ARB2A: variants seen among roughly 807,000 people sequenced by gnomAD.
ARB2A encodes the protein cotranscriptional regulator ARB2A.
chr5:94,006,667 C>A, the ARB2A span, among the ~76,000 whole-genome samples: 2 of 152,144 alleles, frequency 1.3e-5, no homozygotes, highest in African/African-American at 4.8e-5. Context: ...CATATTTTTT[C>A]TTATAGTGGA....
the ARB2A span, among the ~76,000 whole-genome samples, chr5:93,771,585 T>C: frequency 1.3e-5 from 2 of 152,060 alleles, no homozygotes; most frequent in Admixed American, 6.6e-5. Flanking sequence ...CCAGAATCTA[T>C]AATGAACTCA....
the ARB2A span, among the ~76,000 whole-genome samples, chr5:93,663,603 T>C: frequency 1.7e-3 from 256 of 151,736 alleles, 1 homozygote; most frequent in Non-Finnish European, 2.9e-3. Context: ...AGGGAAAGAG[T>C]TGTCTAAGGG....
chr5:93,888,160 T>C, the ARB2A span, among the ~76,000 whole-genome samples: 1 of 151,916 alleles, frequency 6.6e-6, no homozygotes, highest in Non-Finnish European at 1.5e-5. Flanking sequence ...CAAATTTCTC[T>C]GCTATTCACA....
the ARB2A span, among the ~76,000 whole-genome samples, chr5:93,745,026 A>G: frequency 1.2e-3 from 182 of 152,342 alleles, no homozygotes; most frequent in African/African-American, 4.1e-3. Context: ...TGGAATCAAG[A>G]GTGGTTTTCT....
At chr5:93,852,972 GT>G in the ARB2A span, among the ~76,000 whole-genome samples, 16 of 152,216 alleles carry the variant, frequency 1.1e-4, no homozygotes, top group Middle Eastern at 3.4e-3. Context: ...CTTTAAAGTA[GT>G]TTTTTTCCAA....
the ARB2A span, among the ~76,000 whole-genome samples, chr5:93,911,628 C>CCACA: frequency 0.014 from 2,009 of 148,722 alleles, 39 homozygotes; most frequent in African/African-American, 0.04. Context: ...GCATTAGTCA[C>CCACA]CACACACACA....
chr5:94,027,269 T>C, the ARB2A span, among the ~76,000 whole-genome samples: 11 of 152,162 alleles, frequency 7.2e-5, no homozygotes, highest in Non-Finnish European at 1.5e-4. Flanking sequence ...TCCTCAGAAA[T>C]TCCTACCTGA....
At chr5:93,647,319 C>T in the ARB2A span, among the ~76,000 whole-genome samples, 7 of 152,044 alleles carry the variant, frequency 4.6e-5, no homozygotes, top group Non-Finnish European at 5.9e-5. Flanking sequence ...CTCTGCCTCC[C>T]GGGTTCAAGC....
the ARB2A span, among the ~76,000 whole-genome samples, chr5:94,097,067 G>A: frequency 1.3e-5 from 2 of 152,188 alleles, no homozygotes; most frequent in African/African-American, 4.8e-5. Context: ...AGGCTCTGGT[G>A]CGGAAACGGC....
chr5:93,753,896 T>A, the ARB2A span, among the ~76,000 whole-genome samples: 1 of 152,100 alleles, frequency 6.6e-6, no homozygotes, highest in Non-Finnish European at 1.5e-5. Context: ...AAAATGACAC[T>A]TTAAGGTAGA....
At chr5:93,738,753 T>A in the ARB2A span, 1 of 152,222 alleles carries the variant, frequency 6.6e-6, no homozygotes, top group Non-Finnish European at 1.5e-5. Context: ...TGCTTAGAAC[T>A]GGCAAATTCA....
chr5:93,796,118 C>G, the ARB2A span, among the ~76,000 whole-genome samples: 1 of 152,166 alleles, frequency 6.6e-6, no homozygotes, highest in Non-Finnish European at 1.5e-5. Flanking sequence ...AGAGGTTTCA[C>G]TGTAAAAGTA....
chr5:93,740,911 T>A, the ARB2A span: 2 of 1,613,974 alleles, frequency 1.2e-6, no homozygotes, highest in Non-Finnish European at 1.7e-6. Context: ...GATTCGTCGC[T>A]CTCTGCTTGC....
At chr5:93,715,210 C>T in the ARB2A span, among the ~76,000 whole-genome samples, 4 of 152,026 alleles carry the variant, frequency 2.6e-5, no homozygotes, top group East Asian at 1.9e-4. Context: ...AAAGTACAAA[C>T]GTGAGGACAG....
chr5:93,872,502 G>C, the ARB2A span, among the ~76,000 whole-genome samples: 1 of 152,166 alleles, frequency 6.6e-6, no homozygotes, highest in African/African-American at 2.4e-5. Context: ...CATAAATGCA[G>C]AGCTTCGGTC....
chr5:93,645,310 A>C, the ARB2A span, among the ~76,000 whole-genome samples: 4 of 152,194 alleles, frequency 2.6e-5, no homozygotes, highest in African/African-American at 9.6e-5. Context: ...ACGGTGGCTC[A>C]TGCCTGTAAT....
the ARB2A span, among the ~76,000 whole-genome samples, chr5:94,101,851 T>G: frequency 2.6e-5 from 4 of 151,956 alleles, no homozygotes; most frequent in Admixed American, 2.6e-4. Context: ...GTACTGAGCT[T>G]GATACCTGGG....
At chr5:93,931,420 C>T in the ARB2A span, among the ~76,000 whole-genome samples, 32 of 152,074 alleles carry the variant, frequency 2.1e-4, no homozygotes, top group Non-Finnish European at 3.7e-4. Flanking sequence ...GCCAAGATTG[C>T]GCCATTGTAT....
At chr5:93,677,421 A>G in the ARB2A span, among the ~76,000 whole-genome samples, 1 of 152,232 alleles carries the variant, frequency 6.6e-6, no homozygotes, top group Non-Finnish European at 1.5e-5. Flanking sequence ...GTAGGCAGCC[A>G]ATATAAAAAA....
Sources: gnomAD v4.1 joint callset for allele counts (sites outside exome capture counted in the v4.1 genomes callset) on GRCh38, gnomAD v4.1.1 for gene constraint, MANE v1.5 for transcripts, NCBI Gene and HGNC (gene_info 2026-07-23, HGNC 2026-07-21) for gene names.